Variants in MAGI2 observed in about 807,000 individuals in gnomAD.
MAGI2 encodes the protein membrane associated guanylate kinase, WW and PDZ domain containing 2.
MAGI2 carries 35 observed loss-of-function variants against 133.3 expected under a neutral mutation model. That is an observed-to-expected ratio of 0.26 (90% CI 0.20 to 0.35). The LOEUF is 0.35. Ranked by LOEUF, MAGI2 falls within the 10% of genes least tolerant of loss-of-function variation. The probability of loss-of-function intolerance (pLI) is 1.00; values close to 1 mark genes in which losing one functional copy is unlikely to be tolerated. For synonymous variants in MAGI2, 729 were observed against 710.6 expected, an observed-to-expected ratio of 1.03 and a Z score of -0.41; for missense variants, 1,636 against 1,863.4, an observed-to-expected ratio of 0.88 and a Z score of 2.25.
At chr7:78,338,383 C>A (rs1012459726) in intron 9 of MAGI2, among the ~76,000 whole-genome samples, 1 of 152,202 alleles carries the variant, frequency 6.6e-6, no homozygotes, top group African/African-American at 2.4e-5. Flanking sequence ...TTTCAGGCAT[C>A]ATCTTCTCTA....
At chr7:79,069,450 G>A (rs1309386488) in intron 1 of MAGI2, among the ~76,000 whole-genome samples, 1 of 152,026 alleles carries the variant, frequency 6.6e-6, no homozygotes, top group African/African-American at 2.4e-5. Context: ...CATTTGCTTG[G>A]TAAATATTCC....
At chr7:78,829,402 AC>A (rs1405126022) in intron 2 of MAGI2, among the ~76,000 whole-genome samples, 1 of 152,058 alleles carries the variant, frequency 6.6e-6, no homozygotes, top group Non-Finnish European at 1.5e-5. Flanking sequence ...ATCTTTGTGA[AC>A]CTTTTTCATG....
At chr7:78,522,937 G>A (rs906239285) in intron 3 of MAGI2, among the ~76,000 whole-genome samples, 3 of 152,108 alleles carry the variant, frequency 2.0e-5, no homozygotes, top group African/African-American at 7.2e-5. Flanking sequence ...TAAAATCCTT[G>A]TCTTCCAAGA....
At chr7:79,162,013 T>C (rs1824414966) in intron 1 of MAGI2, among the ~76,000 whole-genome samples, 1 of 151,992 alleles carries the variant, frequency 6.6e-6, no homozygotes. Context: ...GCCTAAAACT[T>C]ACCTTGCACA....
At chr7:78,731,379 A>G (rs1402925081) in intron 2 of MAGI2, among the ~76,000 whole-genome samples, 2 of 152,160 alleles carry the variant, frequency 1.3e-5, no homozygotes, top group African/African-American at 4.8e-5. Context: ...ACTCTGGAAT[A>G]CAGCCTGAGA....
chr7:79,273,981 G>A (rs1835057152), intron 1 of MAGI2, among the ~76,000 whole-genome samples: 1 of 152,040 alleles, frequency 6.6e-6, no homozygotes, highest in Non-Finnish European at 1.5e-5. Flanking sequence ...AGTAAATGCA[G>A]TTCAACAGAA....
intron 1 of MAGI2, among the ~76,000 whole-genome samples, chr7:79,144,338 T>C (rs1187519285): frequency 6.6e-6 from 1 of 152,138 alleles, no homozygotes; most frequent in African/African-American, 2.4e-5. Flanking sequence ...GGTGGGATCA[T>C]GGGGACAGAT....
At chr7:79,389,915 G>T (rs1406036607) in intron 1 of MAGI2, among the ~76,000 whole-genome samples, 1 of 152,144 alleles carries the variant, frequency 6.6e-6, no homozygotes. Context: ...GCAAAACTGA[G>T]ATTCAAATGC....
chr7:78,698,013 C>T (rs1321099438), intron 2 of MAGI2, among the ~76,000 whole-genome samples: 1 of 152,156 alleles, frequency 6.6e-6, no homozygotes, highest in African/African-American at 2.4e-5. Context: ...TCACTATTAG[C>T]CTGCCTCTGT....
At chr7:78,208,134 G>GTT (rs1787298889) in intron 10 of MAGI2, among the ~76,000 whole-genome samples, 4 of 36,084 alleles carry the variant, frequency 1.1e-4, no homozygotes, top group Non-Finnish European at 2.2e-4. Flanking sequence ...TCCCAAAGTG[G>GTT]CTTTTTTTTT....
chr7:79,018,926 C>A (rs1809012390), intron 1 of MAGI2, among the ~76,000 whole-genome samples: 1 of 151,964 alleles, frequency 6.6e-6, no homozygotes, highest in Non-Finnish European at 1.5e-5. Flanking sequence ...ACATAGATAA[C>A]CACAAAAGAA....
At chr7:79,148,080 C>G (rs1822823912) in intron 1 of MAGI2, among the ~76,000 whole-genome samples, 1 of 152,070 alleles carries the variant, frequency 6.6e-6, no homozygotes, top group Admixed American at 6.5e-5. Context: ...GGAAGAAGAC[C>G]TTGTCAGTGG....
intron 3 of MAGI2, among the ~76,000 whole-genome samples, chr7:78,585,135 T>C (rs1329625334): frequency 6.6e-6 from 1 of 152,068 alleles, no homozygotes; most frequent in Non-Finnish European, 1.5e-5. Flanking sequence ...TCAAAGTCAG[T>C]AGGGAGGAAT....
intron 1 of MAGI2, among the ~76,000 whole-genome samples, chr7:79,144,446 C>T (rs1387490295): frequency 1.3e-5 from 2 of 152,168 alleles, no homozygotes; most frequent in Non-Finnish European, 2.9e-5. Context: ...CTTATTCCTG[C>T]TCCAGCCAGG....
chr7:78,778,952 G>T (rs1302656883), intron 2 of MAGI2, among the ~76,000 whole-genome samples: 1 of 144,796 alleles, frequency 6.9e-6, no homozygotes, highest in Non-Finnish European at 1.5e-5. Flanking sequence ...TGTTGCCCAG[G>T]CTGGAGTGCA....
At position 78,330,369 on chromosome 7, in the gene MAGI2, G is replaced by A. The variant is rs1158663567; in HGVS notation, c.1408+13409C>T. On this transcript the variant is annotated intron_variant, in intron 9 of 21. Transcript: ENST00000354212. ...GCGGTGGCTCACGCCTGTAATCCCA[G>A]CACTTTGGGAGGCCGAGGCGGGCGG... Among the ~76,000 whole-genome samples the A allele has an allele frequency of 1.1e-4, 4 of 37,002 alleles. 2 individuals are homozygous for A. Among genetic ancestry groups the A allele is most frequent in the African/African-American group, 5.3e-4 (4 of 7,568 alleles). 24.3% of individuals were successfully genotyped at this position (37,002 alleles called of 152,430 possible).
chr7:78,101,376 G>A (rs897188987), intron 20 of MAGI2, among the ~76,000 whole-genome samples: 1 of 152,076 alleles, frequency 6.6e-6, no homozygotes, highest in African/African-American at 2.4e-5. Flanking sequence ...ACAGAGTAGA[G>A]AACCCAGAAA....
rs117253721 is a variant in MAGI2 at position 78,704,737 on chromosome 7, A to G, written c.419-77498T>C. Among the ~76,000 whole-genome samples, 951 of 150,214 alleles carry G rather than the reference A, an allele frequency of 6.3e-3. 14 individuals are homozygous for G. Among genetic ancestry groups the G allele is most frequent in the South Asian group, 0.049 (233 of 4,738 alleles). On this transcript the variant is annotated intron_variant, in intron 2 of 21. Coordinates refer to ENST00000354212, the MANE Select transcript of MAGI2 (RefSeq NM_012301.4). Reference sequence around the variant, plus strand: ...TGCAGCCATGAAAAACAAGAAGATCATGTCTTGGCTGCAACATGGAAGGAG... The same window carrying G: ...TGCAGCCATGAAAAACAAGAAGATCGTGTCTTGGCTGCAACATGGAAGGAG...
chr7:78,153,050 T>C (rs1220355986), intron 16 of MAGI2, among the ~76,000 whole-genome samples: 1 of 152,226 alleles, frequency 6.6e-6, no homozygotes, highest in Non-Finnish European at 1.5e-5. Flanking sequence ...GGTATTTCAG[T>C]AGCTCTAGCA....
Sources: gnomAD v4.1 joint callset for allele counts (sites outside exome capture counted in the v4.1 genomes callset) on GRCh38, gnomAD v4.1.1 for gene constraint, MANE v1.5 for transcripts, NCBI Gene and HGNC (gene_info 2026-07-23, HGNC 2026-07-21) for gene names.